Variants in TRIM25 observed in about 807,000 individuals in gnomAD.
TRIM25 encodes the protein tripartite motif containing 25, also known as E3 ubiquitin/ISG15 ligase TRIM25.
A neutral mutation model predicts 65.2 loss-of-function variants in TRIM25; 45 were observed. That is an observed-to-expected ratio of 0.69 (90% confidence interval 0.54 to 0.89). The LOEUF is 0.89. Among genes scored for constraint, TRIM25 ranks in the 40% least tolerant of loss-of-function variants. The pLI is 0.00. For missense variants in TRIM25, 714 were observed against 803.7 expected (o/e 0.89, Z 1.35); for synonymous variants, 321 against 340.4 (o/e 0.94, Z 0.63).
chr17:56,891,550 T>TTC lies in TRIM25; in HGVS notation c.*149_*150insGA. 1 of 572,756 alleles carries TTC rather than the reference T, an allele frequency of 1.7e-6. No homozygotes were observed. The highest frequency in any genetic ancestry group is 3.0e-6 in the Non-Finnish European group (1 of 333,628). 35.5% of individuals were successfully genotyped at this position (572,756 alleles called of 1,614,324 possible). On this transcript the variant is annotated 3_prime_UTR_variant, in exon 9 of 9. Transcript: ENST00000316881. The stretch of plus-strand genomic sequence containing the variant: ...CACTCTCACCCCTTTCCTGGCTAAA[T>TTC]CCCACCTCCCACCCTCCCGCCAGCT...
Position 56,908,533 on chromosome 17 carries a change from A to G in TRIM25, c.628T>C (p.Tyr210His), listed in dbSNP as rs770711346. The change falls in exon 2 of 9, where the codon TAC becomes CAC. Residue 210 changes from tyrosine (Y) to histidine (H), a missense_variant. Coordinates refer to ENST00000316881, the MANE Select transcript of TRIM25 (RefSeq NM_005082.5). ...ATLRHKLTVM[Y>H]SQINGASRAL... ...CTCGACGCCCCGTTGATCTGACTGT[A>G]CATGACAGTTAGTTTGTGCCTCAGG... is the stretch of plus-strand genomic sequence containing the variant. 7.4e-6 allele frequency: 12 copies of G among 1,614,086 alleles called. 1 individual carries two copies. The Admixed American group carries it at 2.0e-4, about 27-fold the overall frequency.
rs759631465 is a variant in TRIM25, at chr17:56,904,470, C to T, written c.712G>A (p.Val238Met). The T allele has an allele frequency of 1.7e-5, 27 of 1,614,030 alleles. No homozygotes were observed. Among genetic ancestry groups the T allele is most frequent in the Non-Finnish European group, 2.1e-5 (25 of 1,180,040 alleles). The part of the protein sequence containing the change: ...QDVRMTANRK[V>M]EQLQQEYTEM... The stretch of plus-strand genomic sequence containing the variant: ...GTGTATTCTTGTTGTAGCTGCTCCA[C>T]CTTTCTGTTTGCAGTCATCTGAGAG... The change falls in exon 3 of 9, where the codon GTG (valine) becomes ATG (methionine). Residue 238 changes from valine to methionine, a missense_variant. Val to Met is a conservative substitution (Grantham distance 21, BLOSUM62 1). Transcript: ENST00000316881.
rs147370483 is a variant in TRIM25, at chr17:56,908,356, A to G, written c.693+112T>C. On this transcript the variant is annotated intron_variant, in intron 2 of 8. Transcript: ENST00000316881. The stretch of plus-strand genomic sequence containing the variant: ...TGCAAGGTTGATGTTTCATCCTGAC[A>G]CTGTGAGTGCACCCAACACCAGCCT... 16 of 1,010,646 alleles carry G rather than the reference A, an allele frequency of 1.6e-5. No homozygotes were observed. In the African/African-American group the frequency reaches 1.9e-4, roughly 12 times the overall value. The allele number at this position is 1,010,646 out of a possible 1,614,324, so 62.6% of individuals were successfully genotyped here.
intron 1 of TRIM25, among the ~76,000 whole-genome samples, chr17:56,912,528 G>C (rs748534604): frequency 6.6e-6 from 1 of 152,080 alleles, no homozygotes; most frequent in Non-Finnish European, 1.5e-5. Flanking sequence ...GGAACTCTCC[G>C]GCCCACCAAA....
chr17:56,908,392 A>G, intron 2 of TRIM25, 76 bp downstream of exon 2: 1 of 1,434,458 alleles, frequency 7.0e-7, no homozygotes, highest in Non-Finnish European at 9.7e-7. Context: ...TGTCATGGTC[A>G]GAGCCACGCC....
rs1430325231 is a variant in TRIM25, at chr17:56,913,528, C to A, written c.461G>T (p.Arg154Leu). The change falls in exon 1 of 9, where the codon CGC (arginine) becomes CTC (leucine). Residue 154 changes from arginine (R) to leucine (L), a missense_variant. Coordinates refer to ENST00000316881, the MANE Select transcript of TRIM25 (RefSeq NM_005082.5). The surrounding 1 kb of genome is among the most constrained non-coding windows in gnomAD (Gnocchi z 6.1). The stretch of plus-strand genomic sequence containing the variant: ...CCGATTGTGCTGGGAACATTTGCGG[C>A]GCAACAGGTCGCGAACGGGCGGCTG... ...PLQPPVRDLL[R>L]RKCSQHNRLR... 1.2e-6 allele frequency: 2 copies of A among 1,613,618 alleles called. No individual in the cohort carries two copies. Among genetic ancestry groups the A allele is most frequent in the South Asian group, 1.1e-5 (1 of 91,038 alleles).
intron 4 of TRIM25, among the ~76,000 whole-genome samples, chr17:56,901,155 G>T (rs1909402929): frequency 6.6e-6 from 1 of 152,148 alleles, no homozygotes; most frequent in African/African-American, 2.4e-5. Context: ...TTGGCCTCAA[G>T]ATCACAGGCC....
chr17:56,890,820 C>T lies in TRIM25; in HGVS notation c.*880G>A, dbSNP rs977871694. The T allele has an allele frequency of 1.5e-5, 7 of 456,546 alleles. No homozygotes were observed. Among genetic ancestry groups the T allele is most frequent in the Non-Finnish European group, 2.6e-5 (6 of 226,968 alleles). 28.3% of individuals were successfully genotyped at this position (456,546 alleles called of 1,614,324 possible). ...TCTGTTGATCCAGGGCAGCATCCCC[C>T]TCGCCTGGCAGAGTTCCTTGCCCCA... On this transcript the variant is annotated 3_prime_UTR_variant, in exon 9 of 9. Coordinates refer to ENST00000316881, the MANE Select transcript of TRIM25 (RefSeq NM_005082.5).
At chr17:56,905,280 C>T (rs1403811741) in intron 2 of TRIM25, among the ~76,000 whole-genome samples, 3 of 152,198 alleles carry the variant, frequency 2.0e-5, no homozygotes, top group African/African-American at 7.2e-5. Flanking sequence ...AGGAGAATCG[C>T]TTGAACCCAG....
chr17:56,896,788 C>T (rs1909302810), intron 5 of TRIM25, among the ~76,000 whole-genome samples: 1 of 152,016 alleles, frequency 6.6e-6, no homozygotes, highest in African/African-American at 2.4e-5. Context: ...GCTGCAGTGA[C>T]ATCACCAGAG....
rs115015122 is a variant in TRIM25 at position 56,897,099 on chromosome 17, C to T, written c.1154-1147G>A. ...CTGCACTCCAGCCTAGGCAAAAGAGCGAGACTCTGTCTCTTAAAAAATAGT... is the reference window on the plus strand; with the variant it reads ...CTGCACTCCAGCCTAGGCAAAAGAGTGAGACTCTGTCTCTTAAAAAATAGT... On this transcript the variant is annotated intron_variant, in intron 5 of 8. Transcript: ENST00000316881. Among the ~76,000 whole-genome samples the T allele has an allele frequency of 9.0e-3, 1,373 of 152,026 alleles. 27 individuals are homozygous for T. Among genetic ancestry groups the T allele is most frequent in the African/African-American group, 0.032 (1,307 of 41,362 alleles).
intron 3 of TRIM25, among the ~76,000 whole-genome samples, chr17:56,901,926 A>T (rs1190963504): frequency 6.6e-6 from 1 of 152,210 alleles, no homozygotes; most frequent in African/African-American, 2.4e-5. Flanking sequence ...GGAAAAGCAC[A>T]GGAAACTCAG....
Position 56,890,017 on chromosome 17 carries a change from G to GCC in TRIM25, c.*1682_*1683insGG. 1.7e-5 allele frequency: 7 copies of GCC among 402,772 alleles called. No homozygotes were observed. The highest frequency in any genetic ancestry group is 1.2e-4 in the South Asian group (1 of 8,290). The allele number at this position is 402,772 out of a possible 1,614,324, so 24.9% of individuals were successfully genotyped here. On this transcript the variant is annotated 3_prime_UTR_variant, in exon 9 of 9. Transcript: ENST00000316881. ...CTGCATGTCAGGTGTGTAGCTGTCAGGAATATCAAGTGTTCTGAGCCTGCC... is the reference window on the plus strand; with the variant it reads ...CTGCATGTCAGGTGTGTAGCTGTCAGCCGAATATCAAGTGTTCTGAGCCTGCC...
chr17:56,905,167 C>A (rs1421953435), intron 2 of TRIM25, among the ~76,000 whole-genome samples: 1 of 152,070 alleles, frequency 6.6e-6, no homozygotes, highest in East Asian at 1.9e-4. Flanking sequence ...AGATCAAGAC[C>A]ATTCTGGCCA....
intron 4 of TRIM25, 117 bp from the exon 5 acceptor site, chr17:56,899,297 C>A: frequency 1.1e-6 from 1 of 936,786 alleles, no homozygotes. Flanking sequence ...TTTCCTCCGA[C>A]CTTCCCCATC....
rs201869398 is a variant in TRIM25, at chr17:56,892,224, T to C, written c.1369A>G (p.Ile457Val). Residue 457 changes from isoleucine to valine, a missense_variant, in exon 9 of 9, where the codon ATT (isoleucine) becomes GTT (valine). Physicochemically the swap from Ile to Val is conservative, Grantham distance 29. This residue lies in a region of TRIM25 where 413 missense variants were observed against 498.2 expected (regional missense o/e 0.83). Coordinates refer to ENST00000316881, the MANE Select transcript of TRIM25 (RefSeq NM_005082.5). ...GTGTTGTAGTCCAGGATGACTTTAATGTAATCTGAGAAAACATCACCCCAA... is the reference window on the plus strand; with the variant it reads ...GTGTTGTAGTCCAGGATGACTTTAACGTAATCTGAGAAAACATCACCCCAA... ...KSRPELLEYYIKVILDYNTAH... is the reference protein window; with the variant it reads ...KSRPELLEYYVKVILDYNTAH... 371 of 1,589,154 alleles carry C rather than the reference T, an allele frequency of 2.3e-4. No individual in the cohort carries two copies. Among genetic ancestry groups the C allele is most frequent in the Non-Finnish European group, 3.1e-4 (357 of 1,163,690 alleles).
At chr17:56,898,116 G>C (rs917816266) in intron 5 of TRIM25, among the ~76,000 whole-genome samples, 4 of 152,200 alleles carry the variant, frequency 2.6e-5, no homozygotes, top group Non-Finnish European at 5.9e-5. Flanking sequence ...AGTGGTATAT[G>C]GACATGTCAG....
chr17:56,898,020 T>C (rs1291894904), intron 5 of TRIM25, among the ~76,000 whole-genome samples: 1 of 152,172 alleles, frequency 6.6e-6, no homozygotes, highest in African/African-American at 2.4e-5. Context: ...GCCCTGGCTC[T>C]CTCATCCCCC....
Position 56,900,201 on chromosome 17 carries a change from G to A in TRIM25, c.1088-1021C>T, listed in dbSNP as rs577290580. 1.5e-4 allele frequency among the ~76,000 whole-genome samples: 23 copies of A among 150,182 alleles called. No homozygotes were observed. The East Asian group carries it at 3.7e-3, about 24-fold the overall frequency. ...TGCACTCCAGCCTGGGTGACAGAGC[G>A]AGACTCCGTCTCAAAAAAAAAAAAA... On this transcript the variant is annotated intron_variant, in intron 4 of 8. Coordinates refer to ENST00000316881, the MANE Select transcript of TRIM25 (RefSeq NM_005082.5).
Sources: allele counts gnomAD v4.1 joint callset (sites outside exome capture counted in the v4.1 genomes callset), GRCh38; gene constraint gnomAD v4.1.1; regional missense constraint gnomAD v4.1.1; non-coding constraint Gnocchi (gnomAD v3.1); transcripts MANE v1.5; gene names NCBI Gene and HGNC (gene_info 2026-07-23, HGNC 2026-07-21).